The following FADS3 variants were observed in gnomAD, a reference collection of about 807,000 sequenced individuals.
FADS3 encodes the protein cytochrome b5-related protein.
Under a neutral mutation model 60.4 loss-of-function variants are expected in FADS3, and 30 were observed. That is an observed-to-expected ratio of 0.50 (90% CI 0.37 to 0.67). FADS3 has a LOEUF of 0.67. FADS3 is among the 30% of genes least tolerant of loss of function. FADS3 has a pLI of 0.00. For synonymous variants in FADS3, 234 were observed against 249.3 expected (o/e 0.94, Z 0.58); for missense variants, 432 against 598.3 (o/e 0.72, Z 2.90).
intron 1 of FADS3, chr11:61,882,137 G>T (rs1375109104): frequency 8.2e-6 from 1 of 122,568 alleles, no homozygotes; most frequent in East Asian, 2.4e-4. Context: ...TTGAGATAGG[G>T]TCTTGCTGTA....
In FADS3 at chr11:61,876,069, C is replaced by A. The variant is rs750273501; in HGVS notation, c.1160+42G>T. ...CCCCTCCCAGGATCCCCTCCCAGGA[C>A]CCCCTCCCCACCTCCCACTGGCCCC... On this transcript the variant is annotated intron_variant, in intron 10 of 11. Coordinates refer to ENST00000278829, the MANE Select transcript of FADS3 (RefSeq NM_021727.5). The surrounding 1 kb of genome is among the most constrained non-coding windows in gnomAD (Gnocchi z 5.7). 7.5e-6 allele frequency: 12 copies of A among 1,604,330 alleles called. No homozygotes were observed. The highest frequency in any genetic ancestry group is 9.4e-6 in the Non-Finnish European group (11 of 1,173,982).
chr11:61,873,980 C>T (rs985832130), intron 11 of FADS3, 115 bp from the exon 12 acceptor site: 1 of 668,692 alleles, frequency 1.5e-6, no homozygotes, highest in South Asian at 1.9e-5. Flanking sequence ...CTGTGGGTTC[C>T]CTTCCCTGGG....
intron 2 of FADS3, 32 bp downstream of exon 2, chr11:61,880,009 G>A (rs1294302620): frequency 5.1e-6 from 8 of 1,563,680 alleles, no homozygotes; most frequent in Non-Finnish European, 4.4e-6. Context: ...CCCTCCCTCA[G>A]GGGCTGAGCC....
At chr11:61,874,466 C>T (rs966887933) in intron 11 of FADS3, among the ~76,000 whole-genome samples, 1 of 152,204 alleles carries the variant, frequency 6.6e-6, no homozygotes, top group Admixed American at 6.5e-5. Context: ...CTCTGTTCTC[C>T]ACCTCCAAGG....
chr11:61,875,790 C>A, intron 11 of FADS3, 61 bp downstream of exon 11: 1 of 1,581,376 alleles, frequency 6.3e-7, no homozygotes, highest in Non-Finnish European at 8.6e-7. Context: ...CTGACCTGGA[C>A]AAGGGTAGGC....
In FADS3 at chr11:61,876,185, T is replaced by A. The variant is rs1937873154; in HGVS notation, c.1086A>T (p.Ala362=). The A allele has an allele frequency of 6.3e-7, 1 of 1,599,090 alleles. No homozygotes were observed. Among genetic ancestry groups the A allele is most frequent in the African/African-American group, 1.3e-5 (1 of 74,680 alleles). The part of the protein sequence containing the change: ...KHRDWVSSQL[A]ATCNVEPSLF... The stretch of plus-strand genomic sequence containing the variant: ...GTGAGGGCTCCACGTTGCAGGTGGC[T>A]GCCAGCTGCCGGAAGCCGGCGGGGC... Residue 362 remains alanine, a synonymous_variant, in exon 10 of 12, where the codon GCA becomes GCT. Coordinates refer to ENST00000278829, the MANE Select transcript of FADS3 (RefSeq NM_021727.5). This position sits in a 1 kb window ranked among gnomAD's most constrained non-coding sequence, Gnocchi z 5.7.
intron 4 of FADS3, 28 bp downstream of exon 4, chr11:61,878,718 C>T (rs770654064): frequency 1.7e-5 from 27 of 1,612,582 alleles, no homozygotes; most frequent in East Asian, 2.2e-5. Context: ...CCACCCAGCA[C>T]CTGGCTGACC....
At chr11:61,890,038 GC>G (rs1938444869) in intron 1 of FADS3, among the ~76,000 whole-genome samples, 1 of 151,574 alleles carries the variant, frequency 6.6e-6, no homozygotes, top group African/African-American at 2.4e-5. Flanking sequence ...CTCAAATACT[GC>G]CCCCAGGCTG....
At chr11:61,886,517 G>C (rs1286665142) in intron 1 of FADS3, among the ~76,000 whole-genome samples, 1 of 152,126 alleles carries the variant, frequency 6.6e-6, no homozygotes, top group Non-Finnish European at 1.5e-5. Flanking sequence ...TGTGGTAGGA[G>C]GGAGTGGAGT....
Position 61,877,407 on chromosome 11 carries a change from G to A in FADS3, c.885+104C>T, listed in dbSNP as rs1937944804. ...ATACATGTGAGCCACACTGTTGCAC[G>A]CACATGTGCACCCTGTTTGCCTTCA... On this transcript the variant is annotated intron_variant, in intron 7 of 11. Transcript: ENST00000278829. This position sits in a 1 kb window ranked among gnomAD's most constrained non-coding sequence, Gnocchi z 4.7. The A allele has an allele frequency of 7.7e-6, 8 of 1,042,302 alleles. No individual in the cohort carries two copies. The highest frequency in any genetic ancestry group is 1.8e-5 in the Admixed American group (1 of 56,468). The allele number at this position is 1,042,302 out of a possible 1,614,324, so 64.6% of individuals were successfully genotyped here. A position where few individuals can be genotyped will look rare whatever the true frequency, so the allele number is the denominator to read the frequency against.
chr11:61,888,720 T>TG (rs1938394955), intron 1 of FADS3, among the ~76,000 whole-genome samples: 1 of 152,186 alleles, frequency 6.6e-6, no homozygotes. Context: ...CTGGCAGCCC[T>TG]GGGCCATGGG....
chr11:61,888,169 C>T (rs1013325917), intron 1 of FADS3, among the ~76,000 whole-genome samples: 1 of 152,248 alleles, frequency 6.6e-6, no homozygotes, highest in Admixed American at 6.5e-5. Flanking sequence ...CCAGGGCACC[C>T]GGCCTTGTGT....
chr11:61,891,914 C>G (rs1325634605), upstream of FADS3: 3 of 152,436 alleles, frequency 2.0e-5, no homozygotes, highest in South Asian at 4.1e-4. Flanking sequence ...GGCGGAGTCC[C>G]GGTCTGTGAG....
At position 61,877,074 on chromosome 11, in the gene FADS3, C is replaced by T; in HGVS notation, c.886-111G>A. ...CATCCAACCCTTCTGCCTGATTTGC[C>T]TCAGAGCCCAGGACAGGCCACCACC... is the stretch of plus-strand genomic sequence containing the variant. On this transcript the variant is annotated intron_variant, in intron 7 of 11. Transcript: ENST00000278829. This position sits in a 1 kb window ranked among gnomAD's most constrained non-coding sequence, Gnocchi z 4.7. The T allele has an allele frequency of 1.4e-6, 1 of 740,160 alleles. No individual in the cohort carries two copies. The highest frequency in any genetic ancestry group is 2.2e-6 in the Non-Finnish European group (1 of 459,738). 45.8% of individuals were successfully genotyped at this position (740,160 alleles called of 1,614,324 possible).
chr11:61,878,314 A>C (rs755060651), intron 5 of FADS3, 99 bp from the exon 6 acceptor site: 86 of 1,413,338 alleles, frequency 6.1e-5, no homozygotes, highest in Non-Finnish European at 7.5e-5. Flanking sequence ...GTCAAAGGCA[A>C]CTCTAGATTC....
chr11:61,878,918 T>A (rs1358746896), intron 3 of FADS3, 71 bp from the exon 4 acceptor site: 2 of 1,286,564 alleles, frequency 1.6e-6, no homozygotes, highest in African/African-American at 3.0e-5. Context: ...CCCCAGTGAA[T>A]CCTTTCAGCT....
At chr11:61,890,102 G>C (rs1938446907) in intron 1 of FADS3, 1 of 150,620 alleles carries the variant, frequency 6.6e-6, no homozygotes, top group South Asian at 2.1e-4. Context: ...CGCCTGAACA[G>C]CCACGGACAA....
rs1937965608 is a variant in FADS3, at chr11:61,877,832, C to T, written c.809-245G>A. On this transcript the variant is annotated intron_variant, in intron 6 of 11. Transcript: ENST00000278829. This position sits in a 1 kb window ranked among gnomAD's most constrained non-coding sequence, Gnocchi z 4.7. ...CAGACTTGAGTCCTCACTCTGTCCGCCCCAACAACTGCCCAAAGACTCTAG... is the reference window on the plus strand; with the variant it reads ...CAGACTTGAGTCCTCACTCTGTCCGTCCCAACAACTGCCCAAAGACTCTAG... The T allele has an allele frequency of 1.7e-6, 1 of 595,586 alleles. No individual in the cohort carries two copies. Among genetic ancestry groups the T allele is most frequent in the Non-Finnish European group, 3.0e-6 (1 of 333,628 alleles). The allele number at this position is 595,586 out of a possible 1,614,324, so 36.9% of individuals were successfully genotyped here.
chr11:61,881,531 G>T (rs919723797), intron 1 of FADS3: 1 of 152,228 alleles, frequency 6.6e-6, no homozygotes, highest in African/African-American at 2.4e-5. Context: ...TAGCTGGGTG[G>T]TGTTGTCCCC....
Sources: allele counts gnomAD v4.1 joint callset (sites outside exome capture counted in the v4.1 genomes callset), GRCh38; gene constraint gnomAD v4.1.1; non-coding constraint Gnocchi (gnomAD v3.1); transcripts MANE v1.5; gene names NCBI Gene and HGNC (gene_info 2026-07-23, HGNC 2026-07-21).